Variants in LPCAT2 observed in about 807,000 individuals in gnomAD.
The protein encoded by LPCAT2 is 1-AGP acyltransferase 11.
LPCAT2 carries 58 observed loss-of-function variants against 64.7 expected under a neutral mutation model. That is an observed-to-expected ratio of 0.90 (90% confidence interval 0.73 to 1.12). The LOEUF is 1.12. Among genes scored for constraint, LPCAT2 ranks in the 50% most tolerant of loss-of-function variants. LPCAT2 has a pLI of 0.00. For synonymous variants in LPCAT2, 252 were observed against 245.3 expected, an observed-to-expected ratio of 1.03 and a Z score of -0.26; for missense variants, 579 against 669.8, an observed-to-expected ratio of 0.86 and a Z score of 1.50.
intron 1 of LPCAT2, among the ~76,000 whole-genome samples, chr16:55,513,527 A>G (rs1290453261): frequency 6.6e-6 from 1 of 152,210 alleles, no homozygotes; most frequent in African/African-American, 2.4e-5. Context: ...CAAAAAAAAA[A>G]AATCAGAATC....
chr16:55,560,576 G>T (rs1422516340), intron 11 of LPCAT2, among the ~76,000 whole-genome samples: 1 of 152,014 alleles, frequency 6.6e-6, no homozygotes, highest in East Asian at 1.9e-4. Flanking sequence ...GGCACCAGAA[G>T]GAAACTAAAT....
At chr16:55,557,492 C>G (rs748224235) in intron 11 of LPCAT2, among the ~76,000 whole-genome samples, 40 of 152,284 alleles carry the variant, frequency 2.6e-4, no homozygotes, top group Non-Finnish European at 3.7e-4. Context: ...ATTTCAGCAG[C>G]TCCATAGTTT....
At chr16:55,532,042 A>G in intron 5 of LPCAT2, 68 bp downstream of exon 5, 1 of 997,080 alleles carries the variant, frequency 1.0e-6, no homozygotes, top group Non-Finnish European at 1.6e-6. Context: ...TTTTATAGAA[A>G]TACACAAAAT....
At chr16:55,514,335 G>C (rs1289784860) in intron 1 of LPCAT2, among the ~76,000 whole-genome samples, 1 of 152,118 alleles carries the variant, frequency 6.6e-6, no homozygotes, top group Non-Finnish European at 1.5e-5. Context: ...GAAAGTGAAG[G>C]CTAAGGCAGA....
intron 8 of LPCAT2, 68 bp downstream of exon 8, chr16:55,537,700 C>A: frequency 7.8e-7 from 1 of 1,289,936 alleles, no homozygotes; most frequent in South Asian, 1.2e-5. Flanking sequence ...AACCTCTAGT[C>A]TAGAGAGACC....
chr16:55,521,699 A>T (rs1169791157), intron 1 of LPCAT2, among the ~76,000 whole-genome samples: 1 of 151,788 alleles, frequency 6.6e-6, no homozygotes, highest in Non-Finnish European at 1.5e-5. Flanking sequence ...TCCAATTTCA[A>T]TGTAATTCAC....
At chr16:55,517,582 A>G (rs534618848) in intron 1 of LPCAT2, among the ~76,000 whole-genome samples, 30 of 152,324 alleles carry the variant, frequency 2.0e-4, no homozygotes, top group Middle Eastern at 3.4e-3. Flanking sequence ...ATATATATGC[A>G]AAAATCCTCA....
At chr16:55,552,574 G>T (rs1280451281) in intron 11 of LPCAT2, among the ~76,000 whole-genome samples, 1 of 152,126 alleles carries the variant, frequency 6.6e-6, no homozygotes, top group African/African-American at 2.4e-5. Flanking sequence ...GATGTTTGGG[G>T]TTTGGTTCTA....
chr16:55,532,565 G>T, intron 5 of LPCAT2: 1 of 200,738 alleles, frequency 5.0e-6, no homozygotes, highest in Non-Finnish European at 1.0e-5. Context: ...AAAAAAAGTG[G>T]AGAAATAAAT....
At chr16:55,549,720 A>G (rs1267735794) in intron 10 of LPCAT2, among the ~76,000 whole-genome samples, 2 of 152,228 alleles carry the variant, frequency 1.3e-5, no homozygotes, top group Non-Finnish European at 2.9e-5. Flanking sequence ...TTACAAGGAC[A>G]GCATCATTAG....
chr16:55,574,496 T>C, intron 11 of LPCAT2, 135 bp from the exon 12 acceptor site: 1 of 666,352 alleles, frequency 1.5e-6, no homozygotes, highest in Middle Eastern at 2.5e-4. Context: ...TTGCTGTTCC[T>C]TCTTAGTGAG....
chr16:55,539,108 T>C (rs1033186728), intron 8 of LPCAT2: 1 of 152,116 alleles, frequency 6.6e-6, no homozygotes, highest in Non-Finnish European at 1.5e-5. Flanking sequence ...TAGCAACACA[T>C]GTAGAAATGT....
At chr16:55,538,538 G>A (rs1963352344) in intron 8 of LPCAT2, 1 of 151,866 alleles carries the variant, frequency 6.6e-6, no homozygotes, top group Non-Finnish European at 1.5e-5. Flanking sequence ...GATTTAGGAG[G>A]GCAAATTACA....
chr16:55,515,175 AT>A (rs1446170285), intron 1 of LPCAT2, among the ~76,000 whole-genome samples: 2 of 152,162 alleles, frequency 1.3e-5, no homozygotes, highest in African/African-American at 4.8e-5. Context: ...GCTGATTTTG[AT>A]TAAAAACACT....
chr16:55,525,269 G>T (rs908060983), intron 1 of LPCAT2, among the ~76,000 whole-genome samples: 1 of 152,062 alleles, frequency 6.6e-6, no homozygotes, highest in Admixed American at 6.5e-5. Context: ...TTGGTATGCA[G>T]ATCATTTGTC....
chr16:55,541,920 T>C (rs1431972531), intron 8 of LPCAT2: 1 of 1,282,504 alleles, frequency 7.8e-7, no homozygotes, highest in Non-Finnish European at 1.0e-6. Flanking sequence ...CTTCGAAGAT[T>C]TAAAAGAAGA....
intron 11 of LPCAT2, chr16:55,566,688 G>A (rs1963700568): frequency 1.3e-6 from 2 of 1,507,290 alleles, no homozygotes; most frequent in East Asian, 2.3e-5. Flanking sequence ...TAAACTACTT[G>A]AACTCCATTT....
intron 1 of LPCAT2, among the ~76,000 whole-genome samples, chr16:55,511,187 A>T (rs1962927066): frequency 6.6e-6 from 1 of 152,200 alleles, no homozygotes; most frequent in African/African-American, 2.4e-5. Context: ...AATATTGATA[A>T]TATTGATAGT....
At chr16:55,569,548 T>C (rs1963746514) in intron 11 of LPCAT2, among the ~76,000 whole-genome samples, 1 of 152,234 alleles carries the variant, frequency 6.6e-6, no homozygotes, top group South Asian at 2.1e-4. Context: ...GTAACCACAT[T>C]TTTGTTCCTC....
Sources: allele counts gnomAD v4.1 joint callset (sites outside exome capture counted in the v4.1 genomes callset), GRCh38; gene constraint gnomAD v4.1.1; transcripts MANE v1.5; gene names NCBI Gene and HGNC (gene_info 2026-07-23, HGNC 2026-07-21).